AKAP9: variants seen among roughly 807,000 people sequenced by gnomAD.
The protein encoded by AKAP9 is A-kinase anchoring protein 9, also known as A-kinase anchor protein 9.
Under a neutral mutation model 488.5 loss-of-function variants are expected in AKAP9, and 311 were observed. That is an observed-to-expected ratio of 0.64 (90% CI 0.58 to 0.70). The LOEUF (loss-of-function observed/expected upper bound fraction) is 0.70. AKAP9 is among the 30% of genes least tolerant of loss of function. The probability of loss-of-function intolerance (pLI) is 0.00; values close to 1 mark genes in which losing one functional copy is unlikely to be tolerated. For missense variants in AKAP9, 4,215 were observed against 4,374.5 expected, an observed-to-expected ratio of 0.96 and a Z score of 1.03; for synonymous variants, 1,462 against 1,483.5, an observed-to-expected ratio of 0.99 and a Z score of 0.33.
chr7:92,020,514 A>G (rs953913071), intron 12 of AKAP9, among the ~76,000 whole-genome samples: 1 of 152,122 alleles, frequency 6.6e-6, no homozygotes, highest in African/African-American at 2.4e-5. Flanking sequence ...GTTACTTTAA[A>G]TACTTGATTA....
chr7:92,014,252 A>G lies in AKAP9; in HGVS notation c.3536A>G (p.Asp1179Gly). ...LQTMKTQETG[D>G]EGKPLHLLIG... ...AATCCATTATCTGTTCTATTAGGTG[A>G]TGAAGGAAAGCCTTTACATCTGCTC... Residue 1179 changes from aspartate to glycine, a missense_variant, in exon 10 of 50, where the codon GAT becomes GGT. Transcript: ENST00000356239. 6.2e-7 allele frequency: 1 copy of G among 1,607,494 alleles called. No homozygotes were observed. The highest frequency in any genetic ancestry group is 8.5e-7 in the Non-Finnish European group (1 of 1,174,200).
intron 1 of AKAP9, among the ~76,000 whole-genome samples, chr7:91,967,033 T>G (rs1261002736): frequency 1.3e-5 from 2 of 152,178 alleles, no homozygotes; most frequent in Non-Finnish European, 2.9e-5. Flanking sequence ...GATTTTTTAC[T>G]TCTTTAGTTA....
At chr7:92,016,084 A>G (rs933278561) in intron 10 of AKAP9, 45 bp from the exon 11 acceptor site, 1 of 1,517,566 alleles carries the variant, frequency 6.6e-7, no homozygotes, top group Non-Finnish European at 9.1e-7. Context: ...AGAAGCAGAA[A>G]TCAAAATTTA....
chr7:92,030,695 G>GGATTA (rs1011048167), intron 15 of AKAP9, among the ~76,000 whole-genome samples: 3 of 151,422 alleles, frequency 2.0e-5, no homozygotes, highest in Non-Finnish European at 4.4e-5. Context: ...CAATAGGGCT[G>GGATTA]GGATAATAGA....
chr7:91,942,822 T>C (rs922152907), intron 1 of AKAP9, among the ~76,000 whole-genome samples: 1 of 152,162 alleles, frequency 6.6e-6, no homozygotes, highest in African/African-American at 2.4e-5. Context: ...TAAGGTGAAT[T>C]TTTGTTGTAA....
rs193135436 is a variant in AKAP9, at chr7:92,026,955, G to C, written c.4149-2940G>C. 7.2e-3 allele frequency among the ~76,000 whole-genome samples: 1,078 copies of C among 149,844 alleles called. 11 individuals carry two copies. The highest frequency in any genetic ancestry group is 0.013 in the South Asian group (62 of 4,690). On this transcript the variant is annotated intron_variant, in intron 14 of 49. Transcript: ENST00000356239. Reference sequence around the variant, plus strand: ...GCCTCTGCCCGGCCGCCCTGTCTGGGATGTGGGGAGCGCCTCTGCCCGGCC... The same window carrying C: ...GCCTCTGCCCGGCCGCCCTGTCTGGCATGTGGGGAGCGCCTCTGCCCGGCC...
chr7:92,010,367 A>G (rs542858825), intron 8 of AKAP9, among the ~76,000 whole-genome samples: 1 of 152,250 alleles, frequency 6.6e-6, no homozygotes, highest in Admixed American at 6.5e-5. Context: ...GGGTGACCAG[A>G]TAATTACCCA....
chr7:92,042,085 G>A lies in AKAP9; in HGVS notation c.4957G>A (p.Glu1653Lys), dbSNP rs1437806636. The change falls in exon 19 of 50, where the codon GAG (glutamate) becomes AAG (lysine). Residue 1653 changes from glutamate to lysine, a missense_variant. Physicochemically the swap from Glu to Lys is moderately conservative, Grantham distance 56 (BLOSUM62 1). This residue lies in a region of AKAP9 where 2,361 missense variants were observed against 2,430.0 expected (regional missense o/e 0.97). Transcript: ENST00000356239. ...TAATGAAAACCTGGTTTCAGAGAGAGAGAGGGTGCTTTTAGAGGAGCTGGA... is the reference window on the plus strand; with the variant it reads ...TAATGAAAACCTGGTTTCAGAGAGAAAGAGGGTGCTTTTAGAGGAGCTGGA... The part of the protein sequence containing the change: ...IDNENLVSER[E>K]RVLLEELEAL... 2 of 1,613,964 alleles carry A rather than the reference G, an allele frequency of 1.2e-6. No homozygotes were observed. The highest frequency in any genetic ancestry group is 1.7e-6 in the Non-Finnish European group (2 of 1,179,920).
chr7:91,974,020 C>G, intron 2 of AKAP9, 52 bp downstream of exon 2: 7 of 1,601,058 alleles, frequency 4.4e-6, no homozygotes, highest in Non-Finnish European at 6.0e-6. Flanking sequence ...GGAAAGTAGT[C>G]ATAACAACAG....
intron 15 of AKAP9, among the ~76,000 whole-genome samples, chr7:92,030,515 G>T (rs946565430): frequency 1.3e-5 from 2 of 151,948 alleles, no homozygotes; most frequent in Admixed American, 1.3e-4. Context: ...GGTGGCACTC[G>T]CCTGTAGTCC....
chr7:92,036,555 C>T (rs1398819671), intron 16 of AKAP9, among the ~76,000 whole-genome samples: 1 of 152,114 alleles, frequency 6.6e-6, no homozygotes, highest in East Asian at 1.9e-4. Flanking sequence ...GCCATTATCT[C>T]GTGAAATAGT....
intron 3 of AKAP9, among the ~76,000 whole-genome samples, chr7:91,990,341 T>A (rs952539218): frequency 6.6e-6 from 1 of 152,078 alleles, no homozygotes; most frequent in African/African-American, 2.4e-5. Flanking sequence ...AAAAACAGAA[T>A]AATTTATTGT....
intron 40 of AKAP9, among the ~76,000 whole-genome samples, chr7:92,096,064 T>A (rs1364713460): frequency 6.6e-6 from 1 of 152,184 alleles, no homozygotes; most frequent in East Asian, 1.9e-4. Context: ...TGCACAGGAA[T>A]CTTATCAAAA....
chr7:92,001,950 T>G lies in AKAP9; in HGVS notation c.2033T>G (p.Ile678Arg). 1 of 1,612,994 alleles carries G rather than the reference T, an allele frequency of 6.2e-7. No homozygotes were observed. Among genetic ancestry groups the G allele is most frequent in the Non-Finnish European group, 8.5e-7 (1 of 1,179,588 alleles). Reference sequence around the variant, plus strand: ...TTACAGAATGAAATGAGTCAAAAGATAGAAACCATGCAGTTTGAAAAGGAC... The same window carrying G: ...TTACAGAATGAAATGAGTCAAAAGAGAGAAACCATGCAGTTTGAAAAGGAC... ...DGLQNEMSQK[I>R]ETMQFEKDNL... is the part of the protein sequence containing the mutation. Residue 678 changes from isoleucine (I) to arginine (R), a missense_variant, in exon 8 of 50, where the codon ATA (isoleucine) becomes AGA (arginine). By Grantham distance (97) the Ile-to-Arg change is moderately conservative. Coordinates refer to ENST00000356239, the MANE Select transcript of AKAP9 (RefSeq NM_005751.5).
chr7:92,043,359 C>T (rs551918552), intron 20 of AKAP9: 555 of 981,872 alleles, frequency 5.7e-4, no homozygotes, highest in Non-Finnish European at 6.3e-4. Flanking sequence ...CAGTATGGAA[C>T]TCAAACAAGA....
At chr7:92,024,780 G>A (rs867951707) in intron 14 of AKAP9, among the ~76,000 whole-genome samples, 1 of 152,276 alleles carries the variant, frequency 6.6e-6, no homozygotes, top group Middle Eastern at 3.4e-3. Context: ...ACACTTGCTA[G>A]TAAAACCTCA....
At chr7:91,978,586 A>G (rs1237598977) in intron 2 of AKAP9, among the ~76,000 whole-genome samples, 1 of 152,194 alleles carries the variant, frequency 6.6e-6, no homozygotes, top group Non-Finnish European at 1.5e-5. Context: ...ACCCAAATCC[A>G]GGCATGTGAT....
chr7:91,993,073 G>C lies in AKAP9; in HGVS notation c.576+18G>C. On this transcript the variant is annotated intron_variant, in intron 5 of 49. Transcript: ENST00000356239. ...TGCAGCAGGTATGTTTATTTTCTGTGGCTTTTGATTTGCTACTCACAAAAA... is the reference window on the plus strand; with the variant it reads ...TGCAGCAGGTATGTTTATTTTCTGTCGCTTTTGATTTGCTACTCACAAAAA... 6.2e-7 allele frequency: 1 copy of C among 1,613,738 alleles called. No homozygotes were observed. The highest frequency in any genetic ancestry group is 1.3e-5 in the African/African-American group (1 of 74,990).
intron 9 of AKAP9, among the ~76,000 whole-genome samples, chr7:92,013,705 C>T (rs1459994152): frequency 6.6e-6 from 1 of 152,026 alleles, no homozygotes; most frequent in Non-Finnish European, 1.5e-5. Context: ...AATAACAGTA[C>T]CAAACTTTTA....
Sources: gnomAD v4.1 joint callset for allele counts (sites outside exome capture counted in the v4.1 genomes callset) on GRCh38, gnomAD v4.1.1 for gene constraint, gnomAD v4.1.1 regional missense constraint, MANE v1.5 for transcripts, NCBI Gene and HGNC (gene_info 2026-07-23, HGNC 2026-07-21) for gene names.